Variants in CDC42SE2 observed in about 807,000 individuals in gnomAD.
CDC42SE2 encodes the protein CDC42 small effector 2.
CDC42SE2 carries 3 observed loss-of-function variants against 11.5 expected under a neutral mutation model. That is an observed-to-expected ratio of 0.26 (90% CI 0.12 to 0.67). The LOEUF is 0.67. CDC42SE2 is among the 30% of genes least tolerant of loss of function. The pLI, the probability that CDC42SE2 is intolerant of heterozygous loss-of-function variation, is 0.80. For synonymous variants in CDC42SE2, 33 were observed against 34.8 expected, an observed-to-expected ratio of 0.95 and a Z score of 0.18; for missense variants, 82 against 106.8, an observed-to-expected ratio of 0.77 and a Z score of 1.02.
intron 1 of CDC42SE2, among the ~76,000 whole-genome samples, chr5:131,299,567 T>G (rs553856215): frequency 4.0e-5 from 6 of 151,732 alleles, no homozygotes; most frequent in Non-Finnish European, 5.9e-5. Context: ...AGAAGCAGAG[T>G]TGAGTTAAGA....
chr5:131,298,110 A>ATTT (rs368135855), intron 1 of CDC42SE2, among the ~76,000 whole-genome samples: 2 of 142,520 alleles, frequency 1.4e-5, no homozygotes, highest in Non-Finnish European at 1.5e-5. Context: ...TCATCTTTAA[A>ATTT]TTTTTTTTTT....
intron 1 of CDC42SE2, among the ~76,000 whole-genome samples, chr5:131,310,546 G>T (rs1413389133): frequency 1.3e-5 from 2 of 151,734 alleles, no homozygotes. Context: ...TGACAGTGGG[G>T]TGTTAAAATC....
chr5:131,298,496 G>A (rs1298153658), intron 1 of CDC42SE2, among the ~76,000 whole-genome samples: 3 of 151,278 alleles, frequency 2.0e-5, no homozygotes, highest in African/African-American at 7.3e-5. Context: ...TATTTAGTAT[G>A]ACGTCACAAA....
chr5:131,215,702 T>C, the CDC42SE2 span, among the ~76,000 whole-genome samples: 1 of 152,316 alleles, frequency 6.6e-6, no homozygotes, highest in Admixed American at 6.5e-5. Context: ...CGACCTCTCA[T>C]TCAAAAACCT....
intron 2 of CDC42SE2, among the ~76,000 whole-genome samples, chr5:131,350,623 G>T (rs1758983538): frequency 7.2e-6 from 1 of 138,026 alleles, no homozygotes; most frequent in Non-Finnish European, 1.5e-5. Context: ...GTGTGTGTGT[G>T]TGTGTGTGTG....
In CDC42SE2 at chr5:131,361,506, T is replaced by C. The variant is rs147849232; in HGVS notation, c.54+1959T>C. On this transcript the variant is annotated intron_variant, in intron 3 of 4. Coordinates refer to ENST00000505065, the MANE Select transcript of CDC42SE2 (RefSeq NM_001375635.1). Reference sequence around the variant, plus strand: ...GGGGTTCTGACCCCACGACAATGTCTAGGGATGAATCTTTATAGCTGAAGT... The same window carrying C: ...GGGGTTCTGACCCCACGACAATGTCCAGGGATGAATCTTTATAGCTGAAGT... Among the ~76,000 whole-genome samples, 627 of 152,250 alleles carry C rather than the reference T, an allele frequency of 4.1e-3. 3 individuals are homozygous for C. The highest frequency in any genetic ancestry group is 0.013 in the African/African-American group (543 of 41,542).
At chr5:131,298,275 A>T (rs995070046) in intron 1 of CDC42SE2, among the ~76,000 whole-genome samples, 24 of 146,396 alleles carry the variant, frequency 1.6e-4, no homozygotes, top group Admixed American at 4.1e-4. Flanking sequence ...GCTAATTTTT[A>T]TTTTTTTTTT....
At chr5:131,348,033 G>C (rs1017323930) in intron 2 of CDC42SE2, among the ~76,000 whole-genome samples, 3 of 152,090 alleles carry the variant, frequency 2.0e-5, no homozygotes, top group Admixed American at 2.0e-4. Flanking sequence ...CCCACAGCCA[G>C]TATCATACTG....
chr5:131,227,325 C>A, the CDC42SE2 span, among the ~76,000 whole-genome samples: 2 of 151,926 alleles, frequency 1.3e-5, no homozygotes, highest in Non-Finnish European at 2.9e-5. Flanking sequence ...GACTTTACAT[C>A]TGTTAAATTT....
intron 1 of CDC42SE2, among the ~76,000 whole-genome samples, chr5:131,305,505 T>A (rs1689570488): frequency 6.6e-6 from 1 of 152,208 alleles, no homozygotes; most frequent in African/African-American, 2.4e-5. Context: ...CAGCTTGTGA[T>A]TGGCTGAAGC....
intron 2 of CDC42SE2, among the ~76,000 whole-genome samples, chr5:131,334,423 C>T (rs528526948): frequency 2.6e-5 from 4 of 152,062 alleles, no homozygotes; most frequent in Non-Finnish European, 4.4e-5. Context: ...GTCTAAAATT[C>T]TCTTTTTTGG....
chr5:131,373,965 T>C (rs1339048967), intron 3 of CDC42SE2, among the ~76,000 whole-genome samples: 1 of 152,048 alleles, frequency 6.6e-6, no homozygotes, highest in Non-Finnish European at 1.5e-5. Context: ...TTAAGAAAGT[T>C]AGATGATCAA....
intron 1 of CDC42SE2, among the ~76,000 whole-genome samples, chr5:131,297,044 A>T (rs1328300673): frequency 6.6e-6 from 1 of 152,120 alleles, no homozygotes; most frequent in Non-Finnish European, 1.5e-5. Flanking sequence ...AAATAAAAGT[A>T]TGGAGATATA....
intron 1 of CDC42SE2, among the ~76,000 whole-genome samples, chr5:131,267,559 C>T (rs747427735): frequency 1.3e-5 from 2 of 151,904 alleles, no homozygotes; most frequent in Non-Finnish European, 2.9e-5. Context: ...TTTGTAAGAC[C>T]TTTTAGAATG....
intron 3 of CDC42SE2, among the ~76,000 whole-genome samples, chr5:131,384,674 C>T (rs1038266272): frequency 2.4e-4 from 37 of 151,958 alleles, no homozygotes; most frequent in Non-Finnish European, 3.8e-4. Context: ...GCAGTACAGT[C>T]AGGAAATATC....
At chr5:131,298,953 T>A (rs548215243) in intron 1 of CDC42SE2, among the ~76,000 whole-genome samples, 1 of 152,206 alleles carries the variant, frequency 6.6e-6, no homozygotes, top group Admixed American at 6.5e-5. Context: ...CTGAATAGAC[T>A]TGGGGGATTG....
the CDC42SE2 span, among the ~76,000 whole-genome samples, chr5:131,216,193 GGC>G: frequency 1.3e-5 from 2 of 152,072 alleles, no homozygotes; most frequent in Non-Finnish European, 2.9e-5. Flanking sequence ...TCATAGTCTA[GGC>G]CCAGCACAGT....
intron 1 of CDC42SE2, among the ~76,000 whole-genome samples, chr5:131,312,221 C>T (rs545911968): frequency 1.5e-4 from 23 of 151,004 alleles, no homozygotes; most frequent in Admixed American, 1.0e-3. Flanking sequence ...TGTCAGTGTG[C>T]CCCTGCTGGG....
chr5:131,366,371 G>GT (rs1428419957), intron 3 of CDC42SE2, among the ~76,000 whole-genome samples: 9 of 152,334 alleles, frequency 5.9e-5, no homozygotes, highest in Middle Eastern at 3.4e-3. Flanking sequence ...TGGTAAGCTA[G>GT]TGTCCATAGC....
Sources: gnomAD v4.1 joint callset for allele counts (sites outside exome capture counted in the v4.1 genomes callset) on GRCh38, gnomAD v4.1.1 for gene constraint, MANE v1.5 for transcripts, NCBI Gene and HGNC (gene_info 2026-07-23, HGNC 2026-07-21) for gene names.